Variants in MAPKAP1 observed in about 807,000 individuals in gnomAD.
MAPKAP1 encodes target of rapamycin complex 2 subunit MAPKAP1.
In MAPKAP1, 20 loss-of-function variants were observed where a neutral mutation model predicts 65.7. The observed-to-expected ratio is 0.30, with a 90% CI of 0.21 to 0.44. The LOEUF is 0.44. Ranked by LOEUF, MAPKAP1 falls within the 20% of genes least tolerant of loss-of-function variation. The pLI is 1.00. For missense variants in MAPKAP1, 423 were observed against 648.0 expected, an observed-to-expected ratio of 0.65 and a Z score of 3.77; for synonymous variants, 222 against 244.3, an observed-to-expected ratio of 0.91 and a Z score of 0.85.
chr9:125,550,162 G>A (rs1026276472), intron 6 of MAPKAP1, among the ~76,000 whole-genome samples: 4 of 152,052 alleles, frequency 2.6e-5, no homozygotes, highest in Non-Finnish European at 5.9e-5. Flanking sequence ...GTGCAGACAG[G>A]ATCTGGAAAT....
At chr9:125,634,394 A>T (rs1212609367) in intron 4 of MAPKAP1, among the ~76,000 whole-genome samples, 1 of 152,234 alleles carries the variant, frequency 6.6e-6, no homozygotes, top group Non-Finnish European at 1.5e-5. Flanking sequence ...CCTCCTAAAC[A>T]AAAACACAGT....
At chr9:125,601,053 T>G (rs1832284629) in intron 4 of MAPKAP1, among the ~76,000 whole-genome samples, 1 of 152,200 alleles carries the variant, frequency 6.6e-6, no homozygotes, top group African/African-American at 2.4e-5. Flanking sequence ...TGTTTTAAAC[T>G]CTATCAATTA....
intron 4 of MAPKAP1, among the ~76,000 whole-genome samples, chr9:125,629,622 A>G (rs183167349): frequency 6.6e-6 from 1 of 152,332 alleles, no homozygotes; most frequent in Admixed American, 6.5e-5. Context: ...CAAGAGGAAA[A>G]GGGAAGTTGT....
At chr9:125,459,142 G>A (rs1457653137) in intron 10 of MAPKAP1, among the ~76,000 whole-genome samples, 6 of 145,878 alleles carry the variant, frequency 4.1e-5, no homozygotes, top group African/African-American at 7.6e-5. Context: ...AGACGGGGTC[G>A]CGGCCGGGCA....
intron 1 of MAPKAP1, among the ~76,000 whole-genome samples, chr9:125,689,564 T>C (rs1268296566): frequency 7.2e-6 from 1 of 139,832 alleles, no homozygotes; most frequent in Non-Finnish European, 1.5e-5. Flanking sequence ...CTGGCCAACA[T>C]GATGAAACCT....
At chr9:125,703,354 T>C (rs1302110800) in intron 1 of MAPKAP1, among the ~76,000 whole-genome samples, 1 of 152,212 alleles carries the variant, frequency 6.6e-6, no homozygotes, top group African/African-American at 2.4e-5. Context: ...GACTCTTAAG[T>C]AACATATTTA....
chr9:125,662,236 G>C (rs1387342945), intron 3 of MAPKAP1, among the ~76,000 whole-genome samples: 1 of 152,082 alleles, frequency 6.6e-6, no homozygotes, highest in Non-Finnish European at 1.5e-5. Context: ...GCAAAAATTA[G>C]CCAGGAATGG....
At chr9:125,706,597 G>A (rs1588096389) in intron 1 of MAPKAP1, among the ~76,000 whole-genome samples, 1 of 151,962 alleles carries the variant, frequency 6.6e-6, no homozygotes. Context: ...AAGGGGGAGG[G>A]GGAGAAGGGA....
chr9:125,608,610 T>C (rs1832507484), intron 4 of MAPKAP1, among the ~76,000 whole-genome samples: 1 of 152,216 alleles, frequency 6.6e-6, no homozygotes, highest in Non-Finnish European at 1.5e-5. Flanking sequence ...CCATTATTCC[T>C]GCTCTCCAGA....
chr9:125,575,577 G>A (rs1831368775), intron 5 of MAPKAP1, among the ~76,000 whole-genome samples: 1 of 152,144 alleles, frequency 6.6e-6, no homozygotes, highest in Admixed American at 6.5e-5. Context: ...CACCAAAGAA[G>A]ACAAACGGTA....
rs555643392 is a variant in MAPKAP1, at chr9:125,653,997, T to G, written c.498+3654A>C. ...CAATTTGACCAGAATAGTGATAATG[T>G]ACTAGCAAAAGAGTCTCAAGAAAGT... is the stretch of plus-strand genomic sequence containing the variant. On this transcript the variant is annotated intron_variant, in intron 4 of 11. Transcript: ENST00000265960. 5.3e-4 allele frequency among the ~76,000 whole-genome samples: 81 copies of G among 152,348 alleles called. 2 individuals are homozygous for G. Among genetic ancestry groups the G allele is most frequent in the African/African-American group, 1.8e-3 (76 of 41,580 alleles).
intron 5 of MAPKAP1, among the ~76,000 whole-genome samples, chr9:125,567,278 A>G (rs775873093): frequency 1.2e-4 from 18 of 152,340 alleles, no homozygotes; most frequent in Non-Finnish European, 2.2e-4. Flanking sequence ...GCATTCCCAG[A>G]TGGTTAAGGC....
At chr9:125,646,573 T>C (rs1232559545) in intron 4 of MAPKAP1, among the ~76,000 whole-genome samples, 4 of 152,228 alleles carry the variant, frequency 2.6e-5, no homozygotes, top group Non-Finnish European at 4.4e-5. Context: ...AAAAGGGGGC[T>C]TAAATCTCAT....
chr9:125,537,587 T>A (rs1830109581), intron 7 of MAPKAP1, among the ~76,000 whole-genome samples: 1 of 152,140 alleles, frequency 6.6e-6, no homozygotes, highest in African/African-American at 2.4e-5. Context: ...GTTTAACCAA[T>A]CCTCCCACAT....
intron 5 of MAPKAP1, among the ~76,000 whole-genome samples, chr9:125,579,445 C>CCA (rs1473816578): frequency 1.3e-5 from 2 of 152,166 alleles, no homozygotes; most frequent in African/African-American, 4.8e-5. Context: ...GTGCCTGCCA[C>CCA]CACCCCCGGC....
intron 7 of MAPKAP1, among the ~76,000 whole-genome samples, chr9:125,535,747 C>T (rs763574042): frequency 9.2e-5 from 14 of 152,226 alleles, no homozygotes; most frequent in South Asian, 4.2e-4. Flanking sequence ...AATATGTACA[C>T]GTAATGTAGA....
At chr9:125,652,162 C>A in intron 4 of MAPKAP1, 1 of 1,308,904 alleles carries the variant, frequency 7.6e-7, no homozygotes, top group Non-Finnish European at 1.0e-6. Flanking sequence ...TGCTTTTCTG[C>A]AAAGTTTTAA....
At chr9:125,638,888 A>G (rs980761791) in intron 4 of MAPKAP1, among the ~76,000 whole-genome samples, 14 of 152,226 alleles carry the variant, frequency 9.2e-5, no homozygotes, top group African/African-American at 3.4e-4. Context: ...CTTCGGGAAA[A>G]CATGGAGCCA....
chr9:125,681,745 T>A (rs1025436944), intron 1 of MAPKAP1, among the ~76,000 whole-genome samples: 3 of 152,200 alleles, frequency 2.0e-5, no homozygotes, highest in Admixed American at 6.5e-5. Flanking sequence ...TCATATTTTG[T>A]ATTCTATTTT....
Sources: gnomAD v4.1 joint callset for allele counts (sites outside exome capture counted in the v4.1 genomes callset) on GRCh38, gnomAD v4.1.1 for gene constraint, MANE v1.5 for transcripts, NCBI Gene and HGNC (gene_info 2026-07-23, HGNC 2026-07-21) for gene names.